The following NDST4 variants were observed in gnomAD, a reference collection of about 807,000 sequenced individuals.
NDST4 encodes N-deacetylase and N-sulfotransferase 4, also known as N-heparan sulfate sulfotransferase 4.
NDST4 carries 63 observed loss-of-function variants against 100.8 expected under a neutral mutation model. The ratio of observed to expected loss-of-function variants is 0.62; its 90% confidence interval spans 0.51 to 0.77. The LOEUF (loss-of-function observed/expected upper bound fraction) is 0.77, where lower values mean the gene tolerates loss of function less well. Among genes scored for constraint, NDST4 ranks in the 30% least tolerant of loss-of-function variants. The probability of loss-of-function intolerance (pLI) is 0.00; values close to 1 mark genes in which losing one functional copy is unlikely to be tolerated. For synonymous variants in NDST4, 377 were observed against 361.8 expected, an observed-to-expected ratio of 1.04 and a Z score of -0.48; for missense variants, 943 against 1,018.4, an observed-to-expected ratio of 0.93 and a Z score of 1.01.
intron 7 of NDST4, among the ~76,000 whole-genome samples, chr4:114,861,943 C>T (rs542039551): frequency 6.6e-5 from 10 of 152,100 alleles, no homozygotes; most frequent in African/African-American, 2.2e-4. Flanking sequence ...CATGTCAGTA[C>T]CTAAAATTAT....
At chr4:114,904,304 A>T (rs1002403712) in intron 6 of NDST4, among the ~76,000 whole-genome samples, 8 of 151,950 alleles carry the variant, frequency 5.3e-5, no homozygotes, top group African/African-American at 1.9e-4. Context: ...ATTATCAAAA[A>T]TGTGAAGAAA....
At chr4:114,899,334 C>A (rs373895940) in intron 6 of NDST4, among the ~76,000 whole-genome samples, 4 of 152,006 alleles carry the variant, frequency 2.6e-5, no homozygotes, top group African/African-American at 9.7e-5. Flanking sequence ...TGTGCCACCA[C>A]GCCAGGCTAA....
chr4:115,016,872 A>G (rs1017552268), intron 2 of NDST4, among the ~76,000 whole-genome samples: 1 of 152,052 alleles, frequency 6.6e-6, no homozygotes, highest in Non-Finnish European at 1.5e-5. Flanking sequence ...GGCAAAAAGT[A>G]TATAGAATGG....
At chr4:114,857,355 A>G (rs7680119) in intron 7 of NDST4, among the ~76,000 whole-genome samples, 4,039 of 152,224 alleles carry the variant, frequency 0.027, 200 homozygotes, top group African/African-American at 0.092. Flanking sequence ...CAAATCATAA[A>G]TTCAGGTATG....
At chr4:114,933,539 C>T (rs768952272) in intron 6 of NDST4, among the ~76,000 whole-genome samples, 15 of 142,008 alleles carry the variant, frequency 1.1e-4, no homozygotes, top group Non-Finnish European at 1.1e-4. Context: ...TGCACAGCAA[C>T]GGACATAAAT....
At position 115,109,891 on chromosome 4, in the gene NDST4, A is replaced by G. The variant is rs941521343; in HGVS notation, c.-247+3553T>C. ...GAATATAGACAAACTATAACAATGC[A>G]AAGAAAATAAATACATTAAGTTATA... On this transcript the variant is annotated intron_variant, in intron 1 of 13. Transcript: ENST00000264363. Among the ~76,000 whole-genome samples, 42 of 152,058 alleles carry G rather than the reference A, an allele frequency of 2.8e-4. No homozygotes were observed. In the South Asian group the frequency reaches 3.1e-3, roughly 11 times the overall value.
intron 2 of NDST4, among the ~76,000 whole-genome samples, chr4:115,049,080 AT>A (rs1728526271): frequency 6.6e-6 from 1 of 152,208 alleles, no homozygotes; most frequent in African/African-American, 2.4e-5. Context: ...ATGTTCAATT[AT>A]TTTTGTTGAA....
chr4:114,877,989 G>A (rs1724292102), intron 6 of NDST4, among the ~76,000 whole-genome samples: 1 of 147,348 alleles, frequency 6.8e-6, no homozygotes, highest in Non-Finnish European at 1.5e-5. Context: ...GAAAATGGAA[G>A]AAATAAAGAA....
intron 1 of NDST4, among the ~76,000 whole-genome samples, chr4:115,089,628 C>A (rs771433065): frequency 6.6e-6 from 1 of 151,872 alleles, no homozygotes; most frequent in Non-Finnish European, 1.5e-5. Flanking sequence ...ATATAAAAAG[C>A]TTCTCTTTTC....
At chr4:114,848,418 T>A in intron 8 of NDST4, 80 bp from the exon 9 acceptor site, 1 of 1,146,394 alleles carries the variant, frequency 8.7e-7, no homozygotes, top group Non-Finnish European at 1.2e-6. Context: ...GCTCAAAAAG[T>A]AATATTAAAA....
chr4:114,851,334 C>T (rs1479796983), intron 8 of NDST4, among the ~76,000 whole-genome samples: 1 of 152,152 alleles, frequency 6.6e-6, no homozygotes, highest in African/African-American at 2.4e-5. Flanking sequence ...AGAATATTTT[C>T]ATAGCCTATG....
intron 6 of NDST4, among the ~76,000 whole-genome samples, chr4:114,910,522 A>C (rs1256975479): frequency 6.6e-6 from 1 of 152,204 alleles, no homozygotes; most frequent in Non-Finnish European, 1.5e-5. Context: ...AAGAAATAGC[A>C]GTGTCTGAAT....
rs567081254 is a variant in NDST4 at position 115,056,355 on chromosome 4, A to T, written c.978+19704T>A. Among the ~76,000 whole-genome samples, 379 of 152,270 alleles carry T rather than the reference A, an allele frequency of 2.5e-3. 2 individuals carry two copies. Among genetic ancestry groups the T allele is most frequent in the Non-Finnish European group, 4.6e-3 (310 of 68,012 alleles). ...GAGACCCTGTCTCAAAAACATTTAT[A>T]GTATTAGCTTATAATATAAAGAGTA... On this transcript the variant is annotated intron_variant, in intron 2 of 13. Transcript: ENST00000264363.
In NDST4 at chr4:114,976,794, A is replaced by C. The variant is rs144577565; in HGVS notation, c.1066+393T>G. On this transcript the variant is annotated intron_variant, in intron 3 of 13. Coordinates refer to ENST00000264363, the MANE Select transcript of NDST4 (RefSeq NM_022569.3). The stretch of plus-strand genomic sequence containing the variant: ...ATCAGATGTTTTCCAAAGGAAAATA[A>C]TATGTACAAAAGTATCTATCTCATC... 4.4e-3 allele frequency among the ~76,000 whole-genome samples: 667 copies of C among 152,074 alleles called. 7 individuals are homozygous for C. The highest frequency in any genetic ancestry group is 0.015 in the African/African-American group (639 of 41,544).
At chr4:115,048,055 A>G (rs542847745) in intron 2 of NDST4, among the ~76,000 whole-genome samples, 57 of 152,132 alleles carry the variant, frequency 3.7e-4, no homozygotes, top group African/African-American at 1.1e-3. Flanking sequence ...GACAAACTTA[A>G]TGACTGGGTA....
intron 2 of NDST4, among the ~76,000 whole-genome samples, chr4:115,048,951 T>C (rs1728523758): frequency 6.6e-6 from 1 of 152,128 alleles, no homozygotes; most frequent in Admixed American, 6.6e-5. Flanking sequence ...CATTATGAAT[T>C]TTTGTGCGTG....
Position 115,017,135 on chromosome 4 carries a change from A to G in NDST4, c.979-39861T>C, listed in dbSNP as rs552629045. The stretch of plus-strand genomic sequence containing the variant: ...GATTTTCAATTACAAAATGGTTTCA[A>G]TTACAACTAAGTCATTCAAACAGAA... On this transcript the variant is annotated intron_variant, in intron 2 of 13. Coordinates refer to ENST00000264363, the MANE Select transcript of NDST4 (RefSeq NM_022569.3). Among the ~76,000 whole-genome samples, 17 of 152,136 alleles carry G rather than the reference A, an allele frequency of 1.1e-4. No individual in the cohort carries two copies. The South Asian group carries it at 3.3e-3, about 30-fold the overall frequency.
chr4:114,906,079 C>A (rs983682274), intron 6 of NDST4, among the ~76,000 whole-genome samples: 12 of 151,734 alleles, frequency 7.9e-5, no homozygotes, highest in Middle Eastern at 6.3e-3. Flanking sequence ...AATGATGAAC[C>A]TTGGGATCAA....
At chr4:114,830,516 C>T (rs28714338) in intron 12 of NDST4, among the ~76,000 whole-genome samples, 4,876 of 152,264 alleles carry the variant, frequency 0.032, 265 homozygotes, top group African/African-American at 0.11. Flanking sequence ...AATTCAGGTA[C>T]CTATATTCTT....
Sources: gnomAD v4.1 joint callset for allele counts (sites outside exome capture counted in the v4.1 genomes callset) on GRCh38, gnomAD v4.1.1 for gene constraint, MANE v1.5 for transcripts, NCBI Gene and HGNC (gene_info 2026-07-23, HGNC 2026-07-21) for gene names.